Variants in AGAP1 observed in about 807,000 individuals in gnomAD.
AGAP1 encodes arf-GAP with GTPase, ANK repeat and PH domain-containing protein 1.
Under a neutral mutation model 105.3 loss-of-function variants are expected in AGAP1, and 29 were observed. The observed-to-expected ratio is 0.28, with a 90% CI of 0.21 to 0.38. AGAP1 has a LOEUF of 0.38. Among genes scored for constraint, AGAP1 ranks in the 10% least tolerant of loss-of-function variants. The probability of loss-of-function intolerance (pLI) is 1.00; values close to 1 mark genes in which losing one functional copy is unlikely to be tolerated. For synonymous variants in AGAP1, 509 were observed against 485.9 expected, an observed-to-expected ratio of 1.05 and a Z score of -0.63; for missense variants, 998 against 1,165.1, an observed-to-expected ratio of 0.86 and a Z score of 2.09.
chr2:235,539,088 A>G (rs909100756), intron 1 of AGAP1, among the ~76,000 whole-genome samples: 3 of 152,130 alleles, frequency 2.0e-5, no homozygotes, highest in African/African-American at 7.2e-5. Flanking sequence ...ACCCGTGCCT[A>G]CCTGCCTTTT....
intron 1 of AGAP1, among the ~76,000 whole-genome samples, chr2:235,524,127 T>C (rs1354678375): frequency 3.9e-5 from 6 of 152,216 alleles, no homozygotes; most frequent in African/African-American, 1.4e-4. Flanking sequence ...TCGGAAATGC[T>C]GATGTGTATT....
chr2:235,969,653 G>A (rs746409473), intron 13 of AGAP1, among the ~76,000 whole-genome samples: 13 of 152,290 alleles, frequency 8.5e-5, no homozygotes, highest in African/African-American at 2.6e-4. Context: ...GGCCCATCCC[G>A]TCCACATATC....
chr2:235,770,028 G>A (rs1201778580), intron 6 of AGAP1, among the ~76,000 whole-genome samples: 1 of 152,084 alleles, frequency 6.6e-6, no homozygotes, highest in Non-Finnish European at 1.5e-5. Flanking sequence ...TAACTTGTTT[G>A]TAAAAATACA....
At position 236,040,664 on chromosome 2, in the gene AGAP1, CTGTT is replaced by C; in HGVS notation, c.1801-84_1801-81del. Reference sequence around the variant, plus strand: ...CCCTCGTCCTACATTTGCTCCCAATCTGTTTGATCTTTCCCTGATGTTATCAGTG... The same window carrying C: ...CCCTCGTCCTACATTTGCTCCCAATCTGATCTTTCCCTGATGTTATCAGTG... On this transcript the variant is annotated intron_variant, in intron 14 of 17. Transcript: ENST00000304032. This position sits in a 1 kb window ranked among gnomAD's most constrained non-coding sequence, Gnocchi z 5.6. 4 of 1,256,750 alleles carry C rather than the reference CTGTT, an allele frequency of 3.2e-6. No homozygotes were observed. Among genetic ancestry groups the C allele is most frequent in the Non-Finnish European group, 4.5e-6 (4 of 879,762 alleles). 77.8% of individuals were successfully genotyped at this position (1,256,750 alleles called of 1,614,324 possible). A position where few individuals can be genotyped will look rare whatever the true frequency, so the allele number is the denominator to read the frequency against.
intron 16 of AGAP1, among the ~76,000 whole-genome samples, chr2:236,115,836 G>A (rs1020963037): frequency 5.6e-4 from 75 of 134,400 alleles, no homozygotes; most frequent in African/African-American, 2.0e-3. Context: ...ACAGAGTCTC[G>A]CTCTGTCACC....
chr2:235,996,293 A>G (rs2055812179), intron 13 of AGAP1, among the ~76,000 whole-genome samples: 1 of 152,078 alleles, frequency 6.6e-6, no homozygotes, highest in South Asian at 2.1e-4. Context: ...TCCACTGCCC[A>G]CCTCTCCAGC....
At chr2:235,630,648 A>G (rs1432148233) in intron 1 of AGAP1, among the ~76,000 whole-genome samples, 1 of 152,218 alleles carries the variant, frequency 6.6e-6, no homozygotes, top group Non-Finnish European at 1.5e-5. Context: ...TTAGGGGGTT[A>G]GTTTGGGGAG....
intron 13 of AGAP1, among the ~76,000 whole-genome samples, chr2:236,028,427 A>G (rs1234861125): frequency 1.3e-5 from 2 of 152,204 alleles, no homozygotes; most frequent in South Asian, 2.1e-4. Context: ...TTAGGGAAGT[A>G]TTTAGCTCAT....
chr2:235,740,598 T>C lies in AGAP1; in HGVS notation c.311-365T>C, dbSNP rs936056311. ...GCACCTGTTAAGCATGAAAAATTTG[T>C]TTCAGTTTTGTGAACCCAACAAGAG... is the stretch of plus-strand genomic sequence containing the variant. On this transcript the variant is annotated intron_variant, in intron 3 of 17. Transcript: ENST00000304032. This position sits in a 1 kb window ranked among gnomAD's most constrained non-coding sequence, Gnocchi z 5.7. Among the ~76,000 whole-genome samples, 2 of 152,242 alleles carry C rather than the reference T, an allele frequency of 1.3e-5. No homozygotes were observed. The highest frequency in any genetic ancestry group is 4.8e-5 in the African/African-American group (2 of 41,462).
At chr2:235,857,276 T>C (rs1462988860) in intron 9 of AGAP1, among the ~76,000 whole-genome samples, 1 of 152,138 alleles carries the variant, frequency 6.6e-6, no homozygotes, top group South Asian at 2.1e-4. Context: ...GGACGCACAC[T>C]CCTTATGAGA....
At chr2:235,856,606 A>G (rs969218187) in intron 9 of AGAP1, among the ~76,000 whole-genome samples, 17 of 152,248 alleles carry the variant, frequency 1.1e-4, no homozygotes, top group African/African-American at 4.1e-4. Context: ...CTGCCTGTCC[A>G]GTACTGAACC....
chr2:235,657,711 G>A (rs2149333842), intron 1 of AGAP1, among the ~76,000 whole-genome samples: 1 of 152,156 alleles, frequency 6.6e-6, no homozygotes, highest in East Asian at 1.9e-4. Flanking sequence ...TAACCATGGT[G>A]GTGATTCCTG....
At chr2:236,108,092 G>A (rs1258924135) in intron 16 of AGAP1, among the ~76,000 whole-genome samples, 7 of 152,236 alleles carry the variant, frequency 4.6e-5, no homozygotes, top group Non-Finnish European at 1.0e-4. Flanking sequence ...AGTAATTAAG[G>A]AATAAATATC....
In AGAP1 at chr2:236,131,465, G is replaced by A. The variant is rs1219022357; in HGVS notation, c.*7343G>A. 1 of 152,134 alleles carries A rather than the reference G, an allele frequency of 6.6e-6. No homozygotes were observed. Among genetic ancestry groups the A allele is most frequent in the Non-Finnish European group, 1.5e-5 (1 of 68,020 alleles). The allele number at this position is 152,134 out of a possible 1,614,324, so 9.4% of individuals were successfully genotyped here. ...GTATAGAGATGGAAGGGCAGCGTGG[G>A]TGTATCCACAGATGGGTTTAGGTTT... is the stretch of plus-strand genomic sequence containing the variant. On this transcript the variant is annotated 3_prime_UTR_variant, in exon 18 of 18. Transcript: ENST00000304032. The surrounding 1 kb of genome is among the most constrained non-coding windows in gnomAD (Gnocchi z 5.9).
intron 6 of AGAP1, chr2:235,775,623 C>G (rs1955801017): frequency 6.6e-6 from 1 of 152,138 alleles, no homozygotes; most frequent in African/African-American, 2.4e-5. Flanking sequence ...TCCTCCCACC[C>G]CGCCCCGAGT....
intron 13 of AGAP1, 51 bp downstream of exon 13, chr2:235,968,674 CTGTTA>C: frequency 6.4e-7 from 1 of 1,570,526 alleles, no homozygotes. Flanking sequence ...GGAAAATTCT[CTGTTA>C]TTTTTCAAAT....
At position 235,965,868 on chromosome 2, in the gene AGAP1, C is replaced by A. The variant is rs1443554386; in HGVS notation, c.1484-2594C>A. Among the ~76,000 whole-genome samples the A allele has an allele frequency of 6.6e-6, 1 of 152,132 alleles. No homozygotes were observed. The highest frequency in any genetic ancestry group is 2.4e-5 in the African/African-American group (1 of 41,428). ...GAGAGGGAGGAATGAGTGGAAGTGA[C>A]CTGGCCAAGACACCTGAGGATGAAA... On this transcript the variant is annotated intron_variant, in intron 12 of 17. Transcript: ENST00000304032. The surrounding 1 kb of genome is among the most constrained non-coding windows in gnomAD (Gnocchi z 5.8).
rs1369635626 is a variant in AGAP1, at chr2:235,752,867, T to G, written c.673+2379T>G. On this transcript the variant is annotated intron_variant, in intron 6 of 17. Transcript: ENST00000304032. The surrounding 1 kb of genome is among the most constrained non-coding windows in gnomAD (Gnocchi z 4.3). ...GGCTGCTCTAACAAGACCCAGTGGCTTATACAACAGACTTTTACTTGTCCT... is the reference window on the plus strand; with the variant it reads ...GGCTGCTCTAACAAGACCCAGTGGCGTATACAACAGACTTTTACTTGTCCT... Among the ~76,000 whole-genome samples the G allele has an allele frequency of 6.6e-6, 1 of 152,216 alleles. No homozygotes were observed. The highest frequency in any genetic ancestry group is 2.4e-5 in the African/African-American group (1 of 41,452).
rs146424373 is a variant in AGAP1 at position 236,044,747 on chromosome 2, C to T, written c.1891+3906C>T. Among the ~76,000 whole-genome samples, 45 of 147,114 alleles carry T rather than the reference C, an allele frequency of 3.1e-4. No individual in the cohort carries two copies. Among genetic ancestry groups the T allele is most frequent in the Admixed American group, 4.1e-4 (6 of 14,718 alleles). On this transcript the variant is annotated intron_variant, in intron 15 of 17. Coordinates refer to ENST00000304032, the MANE Select transcript of AGAP1 (RefSeq NM_001037131.3). This position sits in a 1 kb window ranked among gnomAD's most constrained non-coding sequence, Gnocchi z 5.7. Reference sequence around the variant, plus strand: ...TCCCATTGTCGCCTCTTAGTCCTTCCCTGACCTCCAGGTTTGAAATCACAC... The same window carrying T: ...TCCCATTGTCGCCTCTTAGTCCTTCTCTGACCTCCAGGTTTGAAATCACAC...
Sources: gnomAD v4.1 joint callset for allele counts (sites outside exome capture counted in the v4.1 genomes callset) on GRCh38, gnomAD v4.1.1 for gene constraint, Gnocchi (gnomAD v3.1) non-coding constraint, MANE v1.5 for transcripts, NCBI Gene and HGNC (gene_info 2026-07-23, HGNC 2026-07-21) for gene names.